HTR1E: variants seen among roughly 807,000 people sequenced by gnomAD.
HTR1E encodes 5-HT-1E.
In HTR1E, 3 loss-of-function variants were observed where a neutral mutation model predicts 3.4. The ratio of observed to expected loss-of-function variants is 0.89; its 90% CI spans 0.41 to 2.31. The LOEUF is 2.31. Among genes scored for constraint, HTR1E ranks in the 30% most tolerant of loss-of-function variants. HTR1E has a pLI of 0.05. For missense variants in HTR1E, 392 were observed against 467.0 expected, an observed-to-expected ratio of 0.84 and a Z score of 1.48; for synonymous variants, 170 against 182.8, an observed-to-expected ratio of 0.93 and a Z score of 0.56.
At chr6:86,939,512 T>G (rs1768517415) in intron 1 of HTR1E, among the ~76,000 whole-genome samples, 1 of 152,224 alleles carries the variant, frequency 6.6e-6, no homozygotes, top group Non-Finnish European at 1.5e-5. Flanking sequence ...CAATTGAGAC[T>G]TCTAGTAACA....
rs1366318882 is a variant in HTR1E, at chr6:87,009,860, C to T, written c.-185-5290C>T. ...GACCCCCCCCCACCTCCCTCCCGGA[C>T]GGGGCGGCTGGCCGGGCGGGGGGCC... On this transcript the variant is annotated intron_variant, in intron 1 of 1. Transcript: ENST00000305344. Among the ~76,000 whole-genome samples, 7 of 112,328 alleles carry T rather than the reference C, an allele frequency of 6.2e-5. 1 individual carries two copies. In the South Asian group the frequency reaches 1.5e-3, roughly 24 times the overall value. 73.7% of individuals were successfully genotyped at this position (112,328 alleles called of 152,430 possible).
At chr6:86,970,415 A>G (rs1037658537) in intron 1 of HTR1E, 1 of 152,310 alleles carries the variant, frequency 6.6e-6, no homozygotes, top group African/African-American at 2.4e-5. Flanking sequence ...GTGGTTTGAT[A>G]TTAAAATGGT....
intron 1 of HTR1E, among the ~76,000 whole-genome samples, chr6:86,968,440 G>A (rs1767504836): frequency 6.6e-6 from 1 of 152,172 alleles, no homozygotes; most frequent in South Asian, 2.1e-4. Context: ...AGCAATGTAT[G>A]AGTGCCTGTT....
At chr6:87,010,330 T>A (rs1582285377) in intron 1 of HTR1E, among the ~76,000 whole-genome samples, 3 of 79,394 alleles carry the variant, frequency 3.8e-5, no homozygotes, top group South Asian at 4.9e-4. Flanking sequence ...CCCCCCCACC[T>A]CCCTCCCGGA....
chr6:86,956,597 T>C (rs1203649727), intron 1 of HTR1E, among the ~76,000 whole-genome samples: 3 of 152,292 alleles, frequency 2.0e-5, no homozygotes, highest in African/African-American at 7.2e-5. Context: ...GCTTGTAACT[T>C]CTGACCCCCT....
At chr6:86,964,585 G>A (rs949491772) in intron 1 of HTR1E, among the ~76,000 whole-genome samples, 2 of 152,126 alleles carry the variant, frequency 1.3e-5, no homozygotes, top group African/African-American at 4.8e-5. Flanking sequence ...GGTTACATTT[G>A]TCTAAGTTAA....
intron 1 of HTR1E, among the ~76,000 whole-genome samples, chr6:86,943,893 G>C (rs545747716): frequency 1.3e-5 from 2 of 152,296 alleles, no homozygotes; most frequent in South Asian, 4.2e-4. Flanking sequence ...TTGGGAATCT[G>C]GGTATGGCTT....
chr6:86,976,744 A>G (rs978788065), intron 1 of HTR1E, among the ~76,000 whole-genome samples: 4 of 152,230 alleles, frequency 2.6e-5, no homozygotes, highest in Non-Finnish European at 5.9e-5. Flanking sequence ...CCTACCAACG[A>G]TCCAGAAAAA....
At chr6:87,011,805 A>G (rs892477194) in intron 1 of HTR1E, among the ~76,000 whole-genome samples, 1 of 152,198 alleles carries the variant, frequency 6.6e-6, no homozygotes, top group Non-Finnish European at 1.5e-5. Flanking sequence ...TTATTAATAA[A>G]AGATTTGTAA....
chr6:86,998,256 G>T (rs1284657772), intron 1 of HTR1E, among the ~76,000 whole-genome samples: 1 of 151,992 alleles, frequency 6.6e-6, no homozygotes, highest in Non-Finnish European at 1.5e-5. Context: ...ATAGAACATT[G>T]TGTGGAACAA....
Position 87,015,267 on chromosome 6 carries a change from T to C in HTR1E, c.-68T>C, listed in dbSNP as rs1386904201. On this transcript the variant is annotated 5_prime_UTR_variant, in exon 2 of 2. Coordinates refer to ENST00000305344, the MANE Select transcript of HTR1E (RefSeq NM_000865.3). ...CTTACAAGTGAGAAACCTTCGAGGC[T>C]ACATAGTTTTCAGCCAAAGGAAAAT... The C allele has an allele frequency of 7.2e-7, 1 of 1,395,078 alleles. No homozygotes were observed. The highest frequency in any genetic ancestry group is 2.4e-5 in the East Asian group (1 of 42,344). The allele number at this position is 1,395,078 out of a possible 1,614,324, so 86.4% of individuals were successfully genotyped here. A position where few individuals can be genotyped will look rare whatever the true frequency, so the allele number is the denominator to read the frequency against.
intron 1 of HTR1E, among the ~76,000 whole-genome samples, chr6:86,952,243 G>A (rs907438084): frequency 4.0e-5 from 6 of 151,862 alleles, no homozygotes; most frequent in Admixed American, 6.6e-5. Flanking sequence ...TTTCAATTTC[G>A]AGATTCAAAC....
At chr6:87,004,881 A>G (rs949941072) in intron 1 of HTR1E, among the ~76,000 whole-genome samples, 4 of 152,176 alleles carry the variant, frequency 2.6e-5, no homozygotes, top group African/African-American at 9.6e-5. Context: ...TGATACACAA[A>G]TACAATCAAG....
At chr6:87,006,623 G>A (rs1432486340) in intron 1 of HTR1E, among the ~76,000 whole-genome samples, 2 of 152,150 alleles carry the variant, frequency 1.3e-5, no homozygotes, top group African/African-American at 4.8e-5. Flanking sequence ...ATACATGCAT[G>A]TGTATGTTCA....
chr6:86,950,965 G>A (rs1767231463), intron 1 of HTR1E, among the ~76,000 whole-genome samples: 2 of 152,078 alleles, frequency 1.3e-5, no homozygotes, highest in Non-Finnish European at 2.9e-5. Context: ...AATAAAGCAA[G>A]GTTTGTCTAT....
intron 1 of HTR1E, among the ~76,000 whole-genome samples, chr6:86,959,034 C>A (rs1224422806): frequency 6.7e-6 from 1 of 149,916 alleles, no homozygotes; most frequent in Non-Finnish European, 1.5e-5. Context: ...AGTTGTGGAG[C>A]CTGGCAAGTT....
At chr6:86,986,809 T>G (rs1445089802) in intron 1 of HTR1E, among the ~76,000 whole-genome samples, 3 of 152,160 alleles carry the variant, frequency 2.0e-5, no homozygotes, top group African/African-American at 7.2e-5. Flanking sequence ...AATAGTGAAA[T>G]TTGATTAACC....
At chr6:87,007,738 C>T (rs1768137755) in intron 1 of HTR1E, among the ~76,000 whole-genome samples, 1 of 152,086 alleles carries the variant, frequency 6.6e-6, no homozygotes, top group Non-Finnish European at 1.5e-5. Flanking sequence ...AGTTCAAAAC[C>T]AGCCTGGGCA....
intron 1 of HTR1E, among the ~76,000 whole-genome samples, chr6:86,949,309 T>C (rs1167136295): frequency 6.6e-6 from 1 of 152,194 alleles, no homozygotes; most frequent in Non-Finnish European, 1.5e-5. Context: ...TGTGAAAAAG[T>C]GCTTAAAACA....
Sources: allele counts gnomAD v4.1 joint callset (sites outside exome capture counted in the v4.1 genomes callset), GRCh38; gene constraint gnomAD v4.1.1; transcripts MANE v1.5; gene names NCBI Gene and HGNC (gene_info 2026-07-23, HGNC 2026-07-21).